Variants in P4HB observed in about 807,000 individuals in gnomAD.
P4HB encodes protein disulfide-isomerase.
P4HB carries 20 observed loss-of-function variants against 52.6 expected under a neutral mutation model. The ratio of observed to expected loss-of-function variants is 0.38; its 90% CI spans 0.27 to 0.55. The LOEUF (loss-of-function observed/expected upper bound fraction) is 0.55. Ranked by LOEUF, P4HB falls within the 20% of genes least tolerant of loss-of-function variation. The probability of loss-of-function intolerance (pLI) is 0.74; values close to 1 mark genes in which losing one functional copy is unlikely to be tolerated. For synonymous variants in P4HB, 296 were observed against 277.9 expected, an observed-to-expected ratio of 1.07 and a Z score of -0.65; for missense variants, 601 against 669.2, an observed-to-expected ratio of 0.90 and a Z score of 1.12.
chr17:81,845,426 G>A, intron 9 of P4HB, 135 bp downstream of exon 9: 1 of 919,928 alleles, frequency 1.1e-6, no homozygotes, highest in East Asian at 2.6e-5. Context: ...AAAGGTGGGT[G>A]CTTCTGAAGG....
intron 4 of P4HB, among the ~76,000 whole-genome samples, chr17:81,853,352 C>G (rs1027652528): frequency 6.6e-6 from 1 of 152,168 alleles, no homozygotes; most frequent in Non-Finnish European, 1.5e-5. Context: ...GCAGGCGGAT[C>G]ATGAAGTCAG....
At chr17:81,852,156 C>T (rs1385308800) in intron 4 of P4HB, among the ~76,000 whole-genome samples, 1 of 152,212 alleles carries the variant, frequency 6.6e-6, no homozygotes, top group African/African-American at 2.4e-5. Flanking sequence ...GCACTCCAGC[C>T]TGGTAACAGA....
chr17:81,859,422 T>C, intron 1 of P4HB, 35 bp from the exon 2 acceptor site: 3 of 1,585,514 alleles, frequency 1.9e-6, no homozygotes, highest in Non-Finnish European at 1.7e-6. Context: ...AAAGCAGCCT[T>C]GATCCCTAAA....
At chr17:81,849,269 C>T (rs1041145474) in intron 4 of P4HB, among the ~76,000 whole-genome samples, 5 of 151,792 alleles carry the variant, frequency 3.3e-5, no homozygotes, top group African/African-American at 4.8e-5. Context: ...CTGAGGCGGG[C>T]GGATCACCTG....
At chr17:81,860,266 C>T (rs2038978504) in intron 1 of P4HB, 61 bp downstream of exon 1, 13 of 1,289,422 alleles carry the variant, frequency 1.0e-5, no homozygotes, top group Non-Finnish European at 1.3e-5. Flanking sequence ...GCCGTGCCTG[C>T]GTCCCAAGAG....
Position 81,846,923 on chromosome 17 carries a change from G to A in P4HB, c.855+24C>T, listed in dbSNP as rs751392139. ...GTACTGCTCCCTGGCACCGCCCCAC[G>A]AGCCACCCAGAAGAGCAGCTCACCT... is the stretch of plus-strand genomic sequence containing the variant. On this transcript the variant is annotated intron_variant, in intron 6 of 10. Transcript: ENST00000331483. This position sits in a 1 kb window ranked among gnomAD's most constrained non-coding sequence, Gnocchi z 5.7. The A allele has an allele frequency of 2.9e-5, 47 of 1,612,866 alleles. No individual in the cohort carries two copies. Among genetic ancestry groups the A allele is most frequent in the East Asian group, 2.7e-4 (12 of 44,894 alleles).
chr17:81,851,531 G>A (rs1482112574), intron 4 of P4HB, among the ~76,000 whole-genome samples: 2 of 152,234 alleles, frequency 1.3e-5, no homozygotes, highest in Non-Finnish European at 2.9e-5. Context: ...GGAGGCCCTT[G>A]GAGGGAATCC....
chr17:81,846,012 G>A lies in P4HB; in HGVS notation c.1057-21C>T, dbSNP rs201832185. 6.2e-5 allele frequency: 98 copies of A among 1,593,010 alleles called. No individual in the cohort carries two copies. Among genetic ancestry groups the A allele is most frequent in the Admixed American group, 2.6e-4 (15 of 57,066 alleles). On this transcript the variant is annotated intron_variant, in intron 7 of 10. Coordinates refer to ENST00000331483, the MANE Select transcript of P4HB (RefSeq NM_000918.4). This position sits in a 1 kb window ranked among gnomAD's most constrained non-coding sequence, Gnocchi z 5.7. ...TGGGGCTGGAGGGCAGGCAGGGCAC[G>A]GTGAGGGGCGGCGATGCCTGGGGGA... is the stretch of plus-strand genomic sequence containing the variant.
chr17:81,858,099 C>T (rs773105928), intron 2 of P4HB, among the ~76,000 whole-genome samples: 10 of 151,846 alleles, frequency 6.6e-5, no homozygotes, highest in Non-Finnish European at 1.3e-4. Context: ...TGGTGAAACC[C>T]CGTCTCTACT....
At position 81,845,569 on chromosome 17, in the gene P4HB, C is replaced by A. The variant is rs986363644; in HGVS notation, c.1351G>T (p.Asp451Tyr). ...PTLKFFPASA[D>Y]RTVIDYNGER... ...CTGGAGGGAAGGCGCACCGTCCTGT[C>A]GGCACTGGCAGGAAAGAACTTGAGT... is the stretch of plus-strand genomic sequence containing the variant. The change falls in exon 9 of 11, where the codon GAC (aspartate) becomes TAC (tyrosine). Residue 451 changes from aspartate (D) to tyrosine (Y), a missense_variant. Transcript: ENST00000331483. 1 of 1,600,438 alleles carries A rather than the reference C, an allele frequency of 6.2e-7. No homozygotes were observed. The highest frequency in any genetic ancestry group is 8.5e-7 in the Non-Finnish European group (1 of 1,170,310).
At chr17:81,844,320 C>T (rs952478727) in intron 10 of P4HB, among the ~76,000 whole-genome samples, 1 of 152,196 alleles carries the variant, frequency 6.6e-6, no homozygotes, top group Non-Finnish European at 1.5e-5. Context: ...AGAGCCCCCA[C>T]TGTGTCAGGA....
At chr17:81,860,098 G>A in intron 1 of P4HB, 3 of 393,416 alleles carry the variant, frequency 7.6e-6, no homozygotes, top group Admixed American at 4.6e-5. Flanking sequence ...GCACTAACAG[G>A]AAGATCCTGC....
chr17:81,846,036 G>A lies in P4HB; in HGVS notation c.1057-45C>T. On this transcript the variant is annotated intron_variant, in intron 7 of 10. Coordinates refer to ENST00000331483, the MANE Select transcript of P4HB (RefSeq NM_000918.4). This position sits in a 1 kb window ranked among gnomAD's most constrained non-coding sequence, Gnocchi z 5.7. ...CGGTGAGGGGCGGCGATGCCTGGGG[G>A]ACCACAGAGCTCCCCAACCCTCACC... 5 of 1,553,908 alleles carry A rather than the reference G, an allele frequency of 3.2e-6. No individual in the cohort carries two copies. The highest frequency in any genetic ancestry group is 3.5e-6 in the Non-Finnish European group (4 of 1,149,530).
chr17:81,844,743 C>T (rs1355093263), intron 10 of P4HB, among the ~76,000 whole-genome samples: 3 of 152,234 alleles, frequency 2.0e-5, no homozygotes, highest in Non-Finnish European at 4.4e-5. Context: ...GCTGGCCACG[C>T]GCTGACGGGC....
rs1321826740 is a variant in P4HB at position 81,855,741 on chromosome 17, T to TCCGC, written c.353-159_353-156dup. The TCCGC allele has an allele frequency of 7.9e-6, 6 of 756,462 alleles. No individual in the cohort carries two copies. Among genetic ancestry groups the TCCGC allele is most frequent in the Non-Finnish European group, 6.2e-6 (3 of 482,678 alleles). 46.9% of individuals were successfully genotyped at this position (756,462 alleles called of 1,614,324 possible). A position where few individuals can be genotyped will look rare whatever the true frequency, so the allele number is the denominator to read the frequency against. On this transcript the variant is annotated intron_variant, in intron 2 of 10. Transcript: ENST00000331483. This position sits in a 1 kb window ranked among gnomAD's most constrained non-coding sequence, Gnocchi z 4.3. ...CCACCATGGAAGAGGCCCGGTGCCG[T>TCCGC]CCGCCCGCCTCCTAAACCCCAGTGT...
At chr17:81,854,626 C>T (rs1453152929) in intron 4 of P4HB, among the ~76,000 whole-genome samples, 5 of 151,704 alleles carry the variant, frequency 3.3e-5, no homozygotes, top group Non-Finnish European at 5.9e-5. Context: ...GTGGGTGGAT[C>T]ACGAGGTCAA....
At position 81,846,079 on chromosome 17, in the gene P4HB, G is replaced by T; in HGVS notation, c.1057-88C>A. ...CCCTCACCCTGCCCGGGACTGAGGT[G>T]CGTGGCTGCCCTGGGCACACCAGGG... On this transcript the variant is annotated intron_variant, in intron 7 of 10. Transcript: ENST00000331483. The surrounding 1 kb of genome is among the most constrained non-coding windows in gnomAD (Gnocchi z 5.7). The T allele has an allele frequency of 7.0e-7, 1 of 1,438,366 alleles. No individual in the cohort carries two copies. The highest frequency in any genetic ancestry group is 9.2e-7 in the Non-Finnish European group (1 of 1,087,534). The allele number at this position is 1,438,366 out of a possible 1,614,324, so 89.1% of individuals were successfully genotyped here. A position where few individuals can be genotyped will look rare whatever the true frequency, so the allele number is the denominator to read the frequency against.
At position 81,846,670 on chromosome 17, in the gene P4HB, T is replaced by C; in HGVS notation, c.856-41A>G. ...AGGTTGCACAGGTGCGGGAGACGGC[T>C]GGCCTCTGCCTCCAGCCCTGACTTT... is the stretch of plus-strand genomic sequence containing the variant. On this transcript the variant is annotated intron_variant, in intron 6 of 10. Transcript: ENST00000331483. This position sits in a 1 kb window ranked among gnomAD's most constrained non-coding sequence, Gnocchi z 5.7. 1 of 1,579,636 alleles carries C rather than the reference T, an allele frequency of 6.3e-7. No homozygotes were observed. Among genetic ancestry groups the C allele is most frequent in the Non-Finnish European group, 8.7e-7 (1 of 1,153,442 alleles).
At chr17:81,851,884 T>C (rs1360365268) in intron 4 of P4HB, among the ~76,000 whole-genome samples, 1 of 152,182 alleles carries the variant, frequency 6.6e-6, no homozygotes, top group Admixed American at 6.5e-5. Context: ...ACAAACAGCA[T>C]AGAAACGCCC....
Sources: gnomAD v4.1 joint callset for allele counts (sites outside exome capture counted in the v4.1 genomes callset) on GRCh38, gnomAD v4.1.1 for gene constraint, Gnocchi (gnomAD v3.1) non-coding constraint, MANE v1.5 for transcripts, NCBI Gene and HGNC (gene_info 2026-07-23, HGNC 2026-07-21) for gene names.